Variants in AMPH observed in about 807,000 individuals in gnomAD.
The protein encoded by AMPH is amphiphysin (Stiff-Mann syndrome with breast cancer 128kD autoantigen).
AMPH carries 49 observed loss-of-function variants against 99.1 expected under a neutral mutation model. That is an observed-to-expected ratio of 0.49 (90% confidence interval 0.39 to 0.63). The LOEUF (loss-of-function observed/expected upper bound fraction) is 0.63. AMPH is among the 20% of genes least tolerant of loss of function. The pLI is 0.00. For missense variants in AMPH, 759 were observed against 863.4 expected, an observed-to-expected ratio of 0.88 and a Z score of 1.52; for synonymous variants, 314 against 317.3, an observed-to-expected ratio of 0.99 and a Z score of 0.11.
At position 38,503,495 on chromosome 7, in the gene AMPH, C is replaced by T. The variant is rs893953742; in HGVS notation, c.205+155G>A. On this transcript the variant is annotated intron_variant, in intron 3 of 20. Transcript: ENST00000356264. The stretch of plus-strand genomic sequence containing the variant: ...TTATCATTTCAATGGGAATTTGGGG[C>T]GGGGGGGTGGGTGGTGGAATGGAAC... 5.8e-5 allele frequency among the ~76,000 whole-genome samples: 5 copies of T among 86,190 alleles called. No homozygotes were observed. The East Asian group carries it at 1.8e-3, about 32-fold the overall frequency. 56.5% of individuals were successfully genotyped at this position (86,190 alleles called of 152,430 possible). A position where few individuals can be genotyped will look rare whatever the true frequency, so the allele number is the denominator to read the frequency against.
chr7:38,511,288 T>C (rs1789531182), intron 2 of AMPH, among the ~76,000 whole-genome samples: 1 of 152,238 alleles, frequency 6.6e-6, no homozygotes, highest in South Asian at 2.1e-4. Context: ...CATGTCATAC[T>C]GCAAACGAAT....
chr7:38,445,016 C>A (rs1292953681), intron 11 of AMPH, among the ~76,000 whole-genome samples: 1 of 131,258 alleles, frequency 7.6e-6, no homozygotes, highest in Non-Finnish European at 1.5e-5. Context: ...TATATACACA[C>A]ACACACACGG....
chr7:38,615,449 T>C (rs1471060554), intron 1 of AMPH, among the ~76,000 whole-genome samples: 5 of 152,136 alleles, frequency 3.3e-5, no homozygotes, highest in African/African-American at 1.2e-4. Context: ...GAGCCCTCTT[T>C]CCCAAAGTGG....
At chr7:38,518,522 C>G (rs923345595) in intron 2 of AMPH, among the ~76,000 whole-genome samples, 1 of 152,212 alleles carries the variant, frequency 6.6e-6, no homozygotes, top group Admixed American at 6.5e-5. Context: ...CCAGCTTTAA[C>G]GTTTAATGTT....
chr7:38,417,934 GC>G lies in AMPH; in HGVS notation c.1288del (p.Ala430LeufsTer37), dbSNP rs752059132. 6.2e-7 allele frequency: 1 copy of G among 1,614,100 alleles called. No individual in the cohort carries two copies. Among genetic ancestry groups the G allele is most frequent in the Non-Finnish European group, 8.5e-7 (1 of 1,179,958 alleles). On this transcript the variant is annotated frameshift_variant, in exon 17 of 21. Coordinates refer to ENST00000356264, the MANE Select transcript of AMPH (RefSeq NM_001635.4). LOFTEE classifies it high-confidence loss of function. ...MICNLAESEQAPPTEPKAEEP... is the reference protein window; with the variant it reads ...MICNLAESEQXPPTEPKAEEP... ...CTCTGCTTTTGGCTCTGTGGGTGGA[GC>G]CTGTTCAGATTCAGCCTTGGAGTGT...
chr7:38,610,358 G>A (rs1458104519), intron 1 of AMPH, among the ~76,000 whole-genome samples: 1 of 35,716 alleles, frequency 2.8e-5, no homozygotes. Flanking sequence ...GAAAAGAAAA[G>A]AAAAGAAAAG....
chr7:38,417,238 G>A (rs1364563256), intron 17 of AMPH, among the ~76,000 whole-genome samples: 1 of 152,110 alleles, frequency 6.6e-6, no homozygotes, highest in Admixed American at 6.5e-5. Context: ...TAGGGTAAGA[G>A]CAGGTTTCCA....
rs947704000 is a variant in AMPH, at chr7:38,510,027, A to C, written c.151-6323T>G. ...TATCATTACTCCAGGCCTAATCAAC[A>C]GCCAGAATGTTTCTGAAACTGCCAT... On this transcript the variant is annotated intron_variant, in intron 2 of 20. Coordinates refer to ENST00000356264, the MANE Select transcript of AMPH (RefSeq NM_001635.4). 3.9e-5 allele frequency among the ~76,000 whole-genome samples: 6 copies of C among 152,282 alleles called. No individual in the cohort carries two copies. In the East Asian group the frequency reaches 1.2e-3, roughly 29 times the overall value.
intron 1 of AMPH, among the ~76,000 whole-genome samples, chr7:38,582,485 T>C (rs537837146): frequency 6.6e-6 from 1 of 152,362 alleles, no homozygotes; most frequent in Admixed American, 6.5e-5. Flanking sequence ...AAAACTACTC[T>C]TATTCTTTCA....
intron 2 of AMPH, among the ~76,000 whole-genome samples, chr7:38,511,053 G>A (rs886526563): frequency 4.6e-5 from 7 of 151,962 alleles, no homozygotes; most frequent in African/African-American, 1.2e-4. Context: ...CTAGGCCTCC[G>A]ATTCCTCATC....
chr7:38,480,656 G>T (rs1788251355), intron 5 of AMPH, among the ~76,000 whole-genome samples: 1 of 152,114 alleles, frequency 6.6e-6, no homozygotes, highest in Admixed American at 6.6e-5. Flanking sequence ...TACACACCCA[G>T]TCACTCAAAG....
chr7:38,439,095 C>G (rs972856978), intron 11 of AMPH, among the ~76,000 whole-genome samples: 1 of 152,108 alleles, frequency 6.6e-6, no homozygotes, highest in Non-Finnish European at 1.5e-5. Flanking sequence ...GTGGCACTTC[C>G]CCCCTGCTGT....
At chr7:38,577,309 T>C (rs1420532514) in intron 1 of AMPH, among the ~76,000 whole-genome samples, 2 of 152,150 alleles carry the variant, frequency 1.3e-5, no homozygotes, top group African/African-American at 4.8e-5. Context: ...TCCCTCTTCA[T>C]CCCTAGGCTG....
At chr7:38,444,990 CATATAT>C (rs3056203) in intron 11 of AMPH, among the ~76,000 whole-genome samples, 2,092 of 135,702 alleles carry the variant, frequency 0.015, 30 homozygotes, top group Non-Finnish European at 0.021. Flanking sequence ...CATATATATA[CATATAT>C]ATATATATAT....
chr7:38,447,609 CACACA>C (rs760994241), intron 11 of AMPH, among the ~76,000 whole-genome samples: 8 of 152,198 alleles, frequency 5.3e-5, no homozygotes, highest in Admixed American at 3.3e-4. Flanking sequence ...CCAGAGCACA[CACACA>C]ACACATTTTC....
At chr7:38,532,455 A>C (rs1315769299) in intron 2 of AMPH, among the ~76,000 whole-genome samples, 1 of 152,182 alleles carries the variant, frequency 6.6e-6, no homozygotes, top group Non-Finnish European at 1.5e-5. Context: ...AATTTCCCCA[A>C]GTTTTGAAGT....
At chr7:38,534,719 CAG>C (rs1790534217) in intron 2 of AMPH, among the ~76,000 whole-genome samples, 1 of 152,128 alleles carries the variant, frequency 6.6e-6, no homozygotes, top group South Asian at 2.1e-4. Flanking sequence ...TCCAGGACAG[CAG>C]AGTCTTTATC....
intron 1 of AMPH, among the ~76,000 whole-genome samples, chr7:38,559,602 T>C (rs917183157): frequency 1.3e-5 from 2 of 152,210 alleles, no homozygotes; most frequent in African/African-American, 4.8e-5. Context: ...ACTTACTGAA[T>C]ACTTATGCTG....
chr7:38,398,228 G>C (rs1784738116), intron 17 of AMPH, among the ~76,000 whole-genome samples: 1 of 149,930 alleles, frequency 6.7e-6, no homozygotes, highest in African/African-American at 2.5e-5. Flanking sequence ...ATATCAAGGA[G>C]GTATCTGCAC....
Sources: allele counts gnomAD v4.1 joint callset (sites outside exome capture counted in the v4.1 genomes callset), GRCh38; gene constraint gnomAD v4.1.1; transcripts MANE v1.5; gene names NCBI Gene and HGNC (gene_info 2026-07-23, HGNC 2026-07-21).